PIK3R5: variants seen among roughly 807,000 people sequenced by gnomAD.
The protein encoded by PIK3R5 is phosphoinositide-3-kinase regulatory subunit 5, also known as phosphoinositide 3-kinase regulatory subunit 5.
Under a neutral mutation model 94.9 loss-of-function variants are expected in PIK3R5, and 32 were observed. The observed-to-expected ratio is 0.34, with a 90% CI of 0.25 to 0.45. The LOEUF (loss-of-function observed/expected upper bound fraction) is 0.45, where lower values mean the gene tolerates loss of function less well. Among genes scored for constraint, PIK3R5 ranks in the 20% least tolerant of loss-of-function variants. The pLI is 1.00. For missense variants in PIK3R5, 853 were observed against 1,144.6 expected, an observed-to-expected ratio of 0.75 and a Z score of 3.68; for synonymous variants, 443 against 479.4, an observed-to-expected ratio of 0.92 and a Z score of 0.99.
intron 1 of PIK3R5, among the ~76,000 whole-genome samples, chr17:8,931,546 C>A (rs1017521829): frequency 6.6e-6 from 1 of 152,142 alleles, no homozygotes; most frequent in Non-Finnish European, 1.5e-5. Flanking sequence ...AGGTAGAATG[C>A]AAGCAGAGTA....
intron 1 of PIK3R5, among the ~76,000 whole-genome samples, chr17:8,923,089 C>T (rs1439796032): frequency 6.6e-6 from 1 of 152,112 alleles, no homozygotes; most frequent in Non-Finnish European, 1.5e-5. Context: ...AGCACTGACC[C>T]TGGGCCAGAT....
intron 14 of PIK3R5, among the ~76,000 whole-genome samples, chr17:8,885,238 C>G (rs1194277507): frequency 6.6e-6 from 1 of 151,652 alleles, no homozygotes; most frequent in African/African-American, 2.4e-5. Flanking sequence ...TCCCATGGTC[C>G]TGCCTCCCGG....
chr17:8,880,405 C>A lies in PIK3R5; in HGVS notation c.*234G>T. 1 of 428,124 alleles carries A rather than the reference C, an allele frequency of 2.3e-6. No individual in the cohort carries two copies. The allele number at this position is 428,124 out of a possible 1,614,324, so 26.5% of individuals were successfully genotyped here. A position where few individuals can be genotyped will look rare whatever the true frequency, so the allele number is the denominator to read the frequency against. ...TTTACCCATCCTTCTCCTTCTACTG[C>A]CAGGAATCTAAGAGGCTATGGGGTC... On this transcript the variant is annotated 3_prime_UTR_variant, in exon 19 of 19. Transcript: ENST00000447110.
rs1363445468 is a variant in PIK3R5 at position 8,911,025 on chromosome 17, G to A, written c.103+367C>T. On this transcript the variant is annotated intron_variant, in intron 2 of 18. Coordinates refer to ENST00000447110, the MANE Select transcript of PIK3R5 (RefSeq NM_001142633.3). This position sits in a 1 kb window ranked among gnomAD's most constrained non-coding sequence, Gnocchi z 5.3. The stretch of plus-strand genomic sequence containing the variant: ...GGAAGAGGAGGATAGGACTATGAGG[G>A]AACTAGAAACAAACAAACAGGAGAA... 6.6e-6 allele frequency among the ~76,000 whole-genome samples: 1 copy of A among 152,170 alleles called. No individual in the cohort carries two copies. The highest frequency in any genetic ancestry group is 1.5e-5 in the Non-Finnish European group (1 of 68,034).
rs2091089702 is a variant in PIK3R5, at chr17:8,937,042, AATTCCAATT to A, written c.-13-25544_-13-25536del. Among the ~76,000 whole-genome samples the A allele has an allele frequency of 2.0e-5, 3 of 152,252 alleles. No homozygotes were observed. In the South Asian group the frequency reaches 6.2e-4, roughly 32 times the overall value. On this transcript the variant is annotated intron_variant, in intron 1 of 18. Transcript: ENST00000447110. ...TAAATGGTATTGTATTTTTAATTCA[AATTCCAATT>A]GTTCATTGCTGGTATATAGGCAAGC...
rs2091061874 is a variant in PIK3R5, at chr17:8,935,780, CATGGTGG to C, written c.-13-24280_-13-24274del. 6.6e-6 allele frequency among the ~76,000 whole-genome samples: 1 copy of C among 152,092 alleles called. No individual in the cohort carries two copies. The highest frequency in any genetic ancestry group is 6.5e-5 in the Admixed American group (1 of 15,270). ...GTCAACATAAGAAGACAAGGCCACG[CATGGTGG>C]CTCACGCTTGTAATCCCAGCACTTT... is the stretch of plus-strand genomic sequence containing the variant. On this transcript the variant is annotated intron_variant, in intron 1 of 18. Coordinates refer to ENST00000447110, the MANE Select transcript of PIK3R5 (RefSeq NM_001142633.3). This position sits in a 1 kb window ranked among gnomAD's most constrained non-coding sequence, Gnocchi z 4.5.
intron 1 of PIK3R5, among the ~76,000 whole-genome samples, chr17:8,926,558 A>G (rs112945607): frequency 0.02 from 3,077 of 152,318 alleles, 92 homozygotes; most frequent in African/African-American, 0.07. Flanking sequence ...ACATGGCAGC[A>G]GCCAGAGAAA....
At chr17:8,883,413 G>A (rs2089730477) in intron 15 of PIK3R5, among the ~76,000 whole-genome samples, 1 of 152,232 alleles carries the variant, frequency 6.6e-6, no homozygotes, top group African/African-American at 2.4e-5. Context: ...TTGCAATTAA[G>A]GCTCTTGGTA....
rs926644655 is a variant in PIK3R5, at chr17:8,893,484, G to A, written c.482+102C>T. 3.3e-6 allele frequency: 3 copies of A among 903,826 alleles called. No individual in the cohort carries two copies. Among genetic ancestry groups the A allele is most frequent in the Non-Finnish European group, 5.5e-6 (3 of 548,418 alleles). 56.0% of individuals were successfully genotyped at this position (903,826 alleles called of 1,614,324 possible). On this transcript the variant is annotated intron_variant, in intron 6 of 18. Coordinates refer to ENST00000447110, the MANE Select transcript of PIK3R5 (RefSeq NM_001142633.3). This position sits in a 1 kb window ranked among gnomAD's most constrained non-coding sequence, Gnocchi z 5.1. ...TTGCTGGCTGGGGTGGACAGGGGGT[G>A]GGGGCACTGGATGTTTGAGTGGGGG... is the stretch of plus-strand genomic sequence containing the variant.
chr17:8,926,909 G>C (rs917080275), intron 1 of PIK3R5, among the ~76,000 whole-genome samples: 27 of 151,710 alleles, frequency 1.8e-4, no homozygotes, highest in African/African-American at 6.3e-4. Context: ...GATAACAGAG[G>C]TTATATATAT....
At chr17:8,950,842 G>A (rs8078867) in intron 1 of PIK3R5, among the ~76,000 whole-genome samples, 123,750 of 152,036 alleles carry the variant, frequency 0.81, 50,611 homozygotes, top group Non-Finnish European at 0.86. Flanking sequence ...GTCAAATGGT[G>A]GCTCTGTTTT....
chr17:8,894,825 G>T (rs1467960213), intron 5 of PIK3R5, among the ~76,000 whole-genome samples: 3 of 148,492 alleles, frequency 2.0e-5, no homozygotes, highest in Admixed American at 1.3e-4. Context: ...TCTGAACTGG[G>T]ACTGAGCTGG....
intron 1 of PIK3R5, among the ~76,000 whole-genome samples, chr17:8,947,498 C>A (rs555218746): frequency 6.6e-6 from 1 of 151,920 alleles, no homozygotes; most frequent in African/African-American, 2.4e-5. Flanking sequence ...GAATTGTTTC[C>A]GTGCGTATCT....
In PIK3R5 at chr17:8,955,215, G is replaced by C. The variant is rs1257338562; in HGVS notation, c.-14+10381C>G. 2.0e-5 allele frequency among the ~76,000 whole-genome samples: 3 copies of C among 152,240 alleles called. No homozygotes were observed. The highest frequency in any genetic ancestry group is 4.4e-5 in the Non-Finnish European group (3 of 68,038). The stretch of plus-strand genomic sequence containing the variant: ...GCCTGCCCGATCATCAGTCATCCAA[G>C]GCTGAGGCCCGGGCCTCTTCCATGC... On this transcript the variant is annotated intron_variant, in intron 1 of 18. Transcript: ENST00000447110. The surrounding 1 kb of genome is among the most constrained non-coding windows in gnomAD (Gnocchi z 4.4).
chr17:8,891,032 G>GCCTCCT (rs2040209118), intron 6 of PIK3R5, 120 bp from the exon 7 acceptor site: 1 of 961,188 alleles, frequency 1.0e-6, no homozygotes, highest in South Asian at 1.6e-5. Flanking sequence ...TCAAGCCCAG[G>GCCTCCT]CAGAGCTCGA....
chr17:8,899,077 T>C (rs1379101628), intron 5 of PIK3R5, among the ~76,000 whole-genome samples: 1 of 152,242 alleles, frequency 6.6e-6, no homozygotes, highest in Non-Finnish European at 1.5e-5. Flanking sequence ...GGCACAGCTA[T>C]GCAGGCATAG....
chr17:8,898,264 T>C (rs1001938984), intron 5 of PIK3R5, among the ~76,000 whole-genome samples: 1 of 152,360 alleles, frequency 6.6e-6, no homozygotes, highest in African/African-American at 2.4e-5. Context: ...TGCCACCCGC[T>C]GATAAGCAAA....
At chr17:8,938,254 T>C (rs1249860408) in intron 1 of PIK3R5, among the ~76,000 whole-genome samples, 1 of 152,244 alleles carries the variant, frequency 6.6e-6, no homozygotes, top group Non-Finnish European at 1.5e-5. Flanking sequence ...TGAGTTTTAA[T>C]AGAAATAAGA....
intron 1 of PIK3R5, among the ~76,000 whole-genome samples, chr17:8,918,911 G>GT (rs973642799): frequency 2.6e-5 from 4 of 151,872 alleles, no homozygotes; most frequent in East Asian, 1.9e-4. Context: ...TTTTGTTTTT[G>GT]TTTTTTTGCC....
Sources: gnomAD v4.1 joint callset for allele counts (sites outside exome capture counted in the v4.1 genomes callset) on GRCh38, gnomAD v4.1.1 for gene constraint, Gnocchi (gnomAD v3.1) non-coding constraint, MANE v1.5 for transcripts, NCBI Gene and HGNC (gene_info 2026-07-23, HGNC 2026-07-21) for gene names.